The following CAPN2 variants were observed in gnomAD, a reference collection of about 807,000 sequenced individuals.
The protein encoded by CAPN2 is calpain-2 catalytic subunit.
CAPN2 carries 92 observed loss-of-function variants against 102.3 expected under a neutral mutation model. The ratio of observed to expected loss-of-function variants is 0.90; its 90% CI spans 0.76 to 1.07. The LOEUF (loss-of-function observed/expected upper bound fraction) is 1.07, where lower values mean the gene tolerates loss of function less well. Among genes scored for constraint, CAPN2 ranks in the 50% least tolerant of loss-of-function variants. The pLI, the probability that CAPN2 is intolerant of heterozygous loss-of-function variation, is 0.00. For missense variants in CAPN2, 800 were observed against 909.4 expected, an observed-to-expected ratio of 0.88 and a Z score of 1.55; for synonymous variants, 340 against 355.4, an observed-to-expected ratio of 0.96 and a Z score of 0.49.
At chr1:223,708,739 C>G (rs1484842309), upstream of CAPN2, among the ~76,000 whole-genome samples, 1 of 151,018 alleles carries the variant, frequency 6.6e-6, no homozygotes, top group Non-Finnish European at 1.5e-5. Context: ...CCACTGCACT[C>G]CAGCCTGGGC....
chr1:223,742,228 T>C (rs572283773), intron 2 of CAPN2, among the ~76,000 whole-genome samples: 1 of 151,938 alleles, frequency 6.6e-6, no homozygotes, highest in East Asian at 2.0e-4. Flanking sequence ...CTGTCTCTAC[T>C]GAAAATACAA....
chr1:223,730,010 C>CAAAAAAAAA (rs57382658), intron 2 of CAPN2, among the ~76,000 whole-genome samples: 1,086 of 77,896 alleles, frequency 0.014, 2 homozygotes, highest in East Asian at 0.02. Context: ...CCCAAAAAAC[C>CAAAAAAAAA]AAAAAAAAAA....
chr1:223,751,255 C>A (rs1660885016), intron 7 of CAPN2, among the ~76,000 whole-genome samples: 1 of 152,270 alleles, frequency 6.6e-6, no homozygotes, highest in East Asian at 1.9e-4. Context: ...TAGCTCAAAT[C>A]CACCCTTCTA....
chr1:223,772,313 G>C, intron 20 of CAPN2, 74 bp downstream of exon 20: 1 of 1,324,740 alleles, frequency 7.5e-7, no homozygotes, highest in Admixed American at 1.7e-5. Context: ...TTACTTGAGT[G>C]ATCTGCTTTT....
chr1:223,747,880 A>G (rs1483212115), intron 5 of CAPN2, among the ~76,000 whole-genome samples: 1 of 152,156 alleles, frequency 6.6e-6, no homozygotes, highest in East Asian at 1.9e-4. Context: ...CCCAGTGTCT[A>G]CCATTATTGC....
At position 223,771,806 on chromosome 1, in the gene CAPN2, C is replaced by A. The variant is rs759776552; in HGVS notation, c.1904-3C>A. 2 of 1,589,710 alleles carry A rather than the reference C, an allele frequency of 1.3e-6. No individual in the cohort carries two copies. Among genetic ancestry groups the A allele is most frequent in the Non-Finnish European group, 1.7e-6 (2 of 1,157,710 alleles). On this transcript the variant is annotated splice_region_variant and splice_polypyrimidine_tract_variant and intron_variant, in intron 18 of 20. Coordinates refer to ENST00000295006, the MANE Select transcript of CAPN2 (RefSeq NM_001748.5). ...ATGAGTTTGTTTGTTCATGTAACTT[C>A]AGGTTTCAAGATGCCCTGTCAACTC...
At position 223,727,511 on chromosome 1, in the gene CAPN2, G is replaced by A. The variant is rs1467275323; in HGVS notation, c.307+9680G>A. Among the ~76,000 whole-genome samples, 1 of 152,204 alleles carries A rather than the reference G, an allele frequency of 6.6e-6. No individual in the cohort carries two copies. Among genetic ancestry groups the A allele is most frequent in the African/African-American group, 2.4e-5 (1 of 41,446 alleles). On this transcript the variant is annotated intron_variant, in intron 2 of 20. Transcript: ENST00000295006. The surrounding 1 kb of genome is among the most constrained non-coding windows in gnomAD (Gnocchi z 4.1). ...CACTGGCAGAGCAGGAGTGAAGGGGGAGGTACTGTGGGGGTCACTGGGCAC... is the reference window on the plus strand; with the variant it reads ...CACTGGCAGAGCAGGAGTGAAGGGGAAGGTACTGTGGGGGTCACTGGGCAC...
At chr1:223,714,911 C>A (rs963761142) in intron 1 of CAPN2, among the ~76,000 whole-genome samples, 15 of 152,180 alleles carry the variant, frequency 9.9e-5, no homozygotes, top group Admixed American at 9.8e-4. Context: ...GATGATCTAG[C>A]GCCACTGCTT....
At chr1:223,774,715 AT>A in intron 20 of CAPN2, 118 bp from the exon 21 acceptor site, 2 of 834,896 alleles carry the variant, frequency 2.4e-6, no homozygotes, top group Non-Finnish European at 4.1e-6. Context: ...GTGCACTGAT[AT>A]TGTAGCCCTC....
chr1:223,746,234 G>A (rs1394369587), intron 4 of CAPN2, among the ~76,000 whole-genome samples: 1 of 152,122 alleles, frequency 6.6e-6, no homozygotes, highest in Non-Finnish European at 1.5e-5. Flanking sequence ...TCAATACTGG[G>A]GTCAGGGAAG....
At position 223,756,409 on chromosome 1, in the gene CAPN2, A is replaced by T. The variant is rs1661038495; in HGVS notation, c.1305+760A>T. On this transcript the variant is annotated intron_variant, in intron 10 of 20. Transcript: ENST00000295006. This position sits in a 1 kb window ranked among gnomAD's most constrained non-coding sequence, Gnocchi z 4.1. The stretch of plus-strand genomic sequence containing the variant: ...GATGCATTTCGGTTTGATGGGCTGG[A>T]GCTGGCTCCTCCCGGCTCCCAAAGC... Among the ~76,000 whole-genome samples, 1 of 152,172 alleles carries T rather than the reference A, an allele frequency of 6.6e-6. No homozygotes were observed. The highest frequency in any genetic ancestry group is 2.4e-5 in the African/African-American group (1 of 41,440).
rs146572729 is a variant in CAPN2, at chr1:223,712,809, G to T, written c.169G>T (p.Ala57Ser). 266 of 1,576,806 alleles carry T rather than the reference G, an allele frequency of 1.7e-4. No homozygotes were observed. In the African/African-American group the frequency reaches 3.1e-3, roughly 19 times the overall value. The change falls in exon 1 of 21, where the codon GCC becomes TCC. Residue 57 changes from alanine to serine, a missense_variant. Physicochemically the swap from Ala to Ser is moderately conservative, Grantham distance 99. Transcript: ENST00000295006. ...QDPSFPAIPSALGFKELGPYS... is the reference protein window; with the variant it reads ...QDPSFPAIPSSLGFKELGPYS... ...CCCGTCCTTCCCGGCCATCCCCTCG[G>T]CCCTGGGCTTCAAGGAGTTGGGGCC...
At chr1:223,712,927 G>C in intron 1 of CAPN2, 50 bp downstream of exon 1, 1 of 1,379,066 alleles carries the variant, frequency 7.3e-7, no homozygotes. Flanking sequence ...CGGGCAGGGC[G>C]GGGTGCAGGC....
rs1558069193 is a variant in CAPN2 at position 223,744,208 on chromosome 1, T to C, written c.416T>C (p.Phe139Ser). ...TTCCAGGAAAACTATGCAGGGATCT[T>C]TCACTTCCAGGTAACTTAATGGTTG... is the stretch of plus-strand genomic sequence containing the variant. ...QSFQENYAGIFHFQFWQYGEW... is the reference protein window; with the variant it reads ...QSFQENYAGISHFQFWQYGEW... Residue 139 changes from phenylalanine to serine, a missense_variant, in exon 3 of 21, where the codon TTT (phenylalanine) becomes TCT (serine). Coordinates refer to ENST00000295006, the MANE Select transcript of CAPN2 (RefSeq NM_001748.5). 1.2e-6 allele frequency: 2 copies of C among 1,608,568 alleles called. No homozygotes were observed.
At position 223,737,721 on chromosome 1, in the gene CAPN2, G is replaced by GAA. The variant is rs1553254070; in HGVS notation, c.308-6378_308-6377insAA. Among the ~76,000 whole-genome samples the GAA allele has an allele frequency of 7.7e-4, 54 of 70,164 alleles. 10 individuals are homozygous for GAA. The highest frequency in any genetic ancestry group is 2.2e-3 in the South Asian group (4 of 1,798). 46.0% of individuals were successfully genotyped at this position (70,164 alleles called of 152,430 possible). ...AAGAGACGGGGCGGGGGGTGGGGGG[G>GAA]AGAGAATACAATAACACCATGTACT... On this transcript the variant is annotated intron_variant, in intron 2 of 20. Transcript: ENST00000295006.
rs1204892452 is a variant in CAPN2, at chr1:223,747,022, T to G, written c.586T>G (p.Ser196Ala). The change falls in exon 5 of 21, where the codon TCA becomes GCA. Residue 196 changes from serine (S) to alanine (A), a missense_variant. Ser to Ala is a moderately conservative substitution (Grantham distance 99). Coordinates refer to ENST00000295006, the MANE Select transcript of CAPN2 (RefSeq NM_001748.5). ...AKINGCYEALSGGATTEGFED... is the reference protein window; with the variant it reads ...AKINGCYEALAGGATTEGFED... ...GATCAACGGATGCTATGAAGCGCTA[T>G]CAGGGGGTGCCACCACTGAGGGCTT... The G allele has an allele frequency of 6.2e-7, 1 of 1,613,972 alleles. No homozygotes were observed. Among genetic ancestry groups the G allele is most frequent in the Admixed American group, 1.7e-5 (1 of 60,008 alleles).
intron 8 of CAPN2, 44 bp downstream of exon 8, chr1:223,752,115 T>C (rs776510292): frequency 2.2e-6 from 3 of 1,337,278 alleles, no homozygotes; most frequent in Non-Finnish European, 3.2e-6. Context: ...TCTGCCCCAA[T>C]GTTCTTTACT....
intron 4 of CAPN2, 121 bp from the exon 5 acceptor site, chr1:223,746,876 G>A (rs1392858825): frequency 1.9e-5 from 15 of 784,856 alleles, no homozygotes; most frequent in Non-Finnish European, 2.7e-5. Context: ...CAAGGCCAAG[G>A]AGAATGTGAG....
chr1:223,719,484 A>G (rs1416920584), intron 2 of CAPN2, among the ~76,000 whole-genome samples: 1 of 152,194 alleles, frequency 6.6e-6, no homozygotes, highest in Non-Finnish European at 1.5e-5. Flanking sequence ...GGTTGCAGTG[A>G]GTAGAGATGG....
Sources: allele counts gnomAD v4.1 joint callset (sites outside exome capture counted in the v4.1 genomes callset), GRCh38; gene constraint gnomAD v4.1.1; non-coding constraint Gnocchi (gnomAD v3.1); transcripts MANE v1.5; gene names NCBI Gene and HGNC (gene_info 2026-07-23, HGNC 2026-07-21).